RANBP2: variants seen among roughly 807,000 people sequenced by gnomAD.
RANBP2 encodes the protein RAN binding protein 2.
A neutral mutation model predicts 303.6 loss-of-function variants in RANBP2; 57 were observed. The ratio of observed to expected loss-of-function variants is 0.19; its 90% CI spans 0.15 to 0.23. The LOEUF is 0.23. Ranked by LOEUF, RANBP2 falls within the 10% of genes least tolerant of loss-of-function variation. The pLI, the probability that RANBP2 is intolerant of heterozygous loss-of-function variation, is 1.00. For synonymous variants in RANBP2, 1,167 were observed against 1,301.5 expected (o/e 0.90, Z 2.23); for missense variants, 3,138 against 3,780.8 (o/e 0.83, Z 4.46).
the RANBP2 span, among the ~76,000 whole-genome samples, chr2:109,387,858 TGGGGG>T: frequency 6.8e-6 from 1 of 147,686 alleles, no homozygotes; most frequent in Non-Finnish European, 1.5e-5. Context: ...CCCAGATGGT[TGGGGG>T]GGGGGTCTCC....
chr2:109,082,335 C>G, the RANBP2 span, among the ~76,000 whole-genome samples: 1 of 152,038 alleles, frequency 6.6e-6, no homozygotes, highest in African/African-American at 2.4e-5. Flanking sequence ...GAGTCTCTCT[C>G]TGTGGCCCAG....
At chr2:109,688,616 T>TA in the RANBP2 span, among the ~76,000 whole-genome samples, 2 of 151,608 alleles carry the variant, frequency 1.3e-5, no homozygotes, top group South Asian at 2.1e-4. Flanking sequence ...TTGTCTCTAC[T>TA]AAAAATACAA....
chr2:108,735,234 C>A (rs1695479367), intron 4 of RANBP2, among the ~76,000 whole-genome samples: 1 of 152,026 alleles, frequency 6.6e-6, no homozygotes, highest in South Asian at 2.1e-4. Flanking sequence ...CTGGGGAGGT[C>A]TAGGCTTCTG....
the RANBP2 span, among the ~76,000 whole-genome samples, chr2:109,418,834 G>A: frequency 1.3e-5 from 2 of 152,094 alleles, no homozygotes; most frequent in Admixed American, 6.5e-5. Context: ...GGGTCGTAGG[G>A]GGACCTGGGG....
chr2:108,998,963 A>G, the RANBP2 span, among the ~76,000 whole-genome samples: 30 of 152,218 alleles, frequency 2.0e-4, no homozygotes, highest in African/African-American at 7.0e-4. Context: ...TTTGATCTTC[A>G]GACTCTAACG....
the RANBP2 span, among the ~76,000 whole-genome samples, chr2:109,083,629 C>T: frequency 0.52 from 79,145 of 151,822 alleles, 22,095 homozygotes; most frequent in South Asian, 0.66. Flanking sequence ...GTGCAAATAT[C>T]TCTCGGGGAC....
At chr2:109,666,279 G>T in the RANBP2 span, among the ~76,000 whole-genome samples, 3 of 152,166 alleles carry the variant, frequency 2.0e-5, no homozygotes, top group Non-Finnish European at 4.4e-5. Flanking sequence ...TTAGGATGTG[G>T]TGCCCATTGT....
intron 17 of RANBP2, among the ~76,000 whole-genome samples, 199 bp downstream of exon 17, chr2:108,755,458 A>G (rs868247122): frequency 1.1e-4 from 17 of 151,058 alleles, no homozygotes; most frequent in African/African-American, 3.9e-4. Flanking sequence ...TGGTATGATC[A>G]CAGCTTACTG....
At chr2:109,246,597 C>T in the RANBP2 span, among the ~76,000 whole-genome samples, 1 of 152,286 alleles carries the variant, frequency 6.6e-6, no homozygotes, top group African/African-American at 2.4e-5. Context: ...CACTGTAGTA[C>T]CCTCCAGCCT....
the RANBP2 span, among the ~76,000 whole-genome samples, chr2:109,370,234 T>G: frequency 6.7e-6 from 1 of 149,742 alleles, no homozygotes; most frequent in African/African-American, 2.5e-5. Flanking sequence ...TCTGTCTCTC[T>G]CTCTCTTTTT....
the RANBP2 span, among the ~76,000 whole-genome samples, chr2:109,184,560 C>A: frequency 6.6e-6 from 1 of 152,132 alleles, no homozygotes; most frequent in Non-Finnish European, 1.5e-5. Context: ...TAGCTTTGAG[C>A]CCCTCTGATC....
the RANBP2 span, among the ~76,000 whole-genome samples, chr2:109,556,079 A>C: frequency 6.6e-6 from 1 of 152,168 alleles, no homozygotes; most frequent in African/African-American, 2.4e-5. Context: ...TTCTTTATAA[A>C]TGTTCATAGA....
At chr2:109,700,609 A>T in the RANBP2 span, among the ~76,000 whole-genome samples, 3 of 152,070 alleles carry the variant, frequency 2.0e-5, no homozygotes, top group Non-Finnish European at 4.4e-5. Flanking sequence ...ATAGAACGGG[A>T]GGCAGGTTTT....
At chr2:109,664,732 C>T in the RANBP2 span, among the ~76,000 whole-genome samples, 1 of 152,108 alleles carries the variant, frequency 6.6e-6, no homozygotes, top group Non-Finnish European at 1.5e-5. Flanking sequence ...GAGTTCAAGA[C>T]CAGCCTGGCT....
intron 24 of RANBP2, 96 bp downstream of exon 24, chr2:108,776,032 A>C: frequency 9.1e-7 from 1 of 1,095,616 alleles, no homozygotes; most frequent in South Asian, 1.4e-5. Flanking sequence ...ACTCCCTTTA[A>C]AACACATTTT....
At chr2:109,594,653 A>C in the RANBP2 span, 2 of 152,238 alleles carry the variant, frequency 1.3e-5, no homozygotes, top group African/African-American at 4.8e-5. Flanking sequence ...ACGGCATTGC[A>C]ATGAAAGAGA....
the RANBP2 span, among the ~76,000 whole-genome samples, chr2:109,519,940 G>A: frequency 2.4e-4 from 37 of 152,348 alleles, no homozygotes; most frequent in South Asian, 6.8e-3. Context: ...AAGCATCTGC[G>A]TGAGGATGGG....
chr2:109,354,201 C>T, the RANBP2 span, among the ~76,000 whole-genome samples: 2 of 152,216 alleles, frequency 1.3e-5, no homozygotes, highest in Middle Eastern at 3.2e-3. Context: ...GTGGGTTGGG[C>T]CCTGTGTGTG....
At chr2:108,859,234 A>G in the RANBP2 span, among the ~76,000 whole-genome samples, 3 of 152,112 alleles carry the variant, frequency 2.0e-5, no homozygotes, top group South Asian at 2.1e-4. Context: ...TCCTTTGCCT[A>G]CTTTTTAACG....
Sources: gnomAD v4.1 joint callset for allele counts (sites outside exome capture counted in the v4.1 genomes callset) on GRCh38, gnomAD v4.1.1 for gene constraint, MANE v1.5 for transcripts, NCBI Gene and HGNC (gene_info 2026-07-23, HGNC 2026-07-21) for gene names.